NRG1: variants seen among roughly 807,000 people sequenced by gnomAD.
NRG1 encodes the protein neuregulin 1, also known as pro-neuregulin-1, membrane-bound isoform.
In NRG1, 18 loss-of-function variants were observed where a neutral mutation model predicts 63.8. The ratio of observed to expected loss-of-function variants is 0.28; its 90% CI spans 0.19 to 0.42. The LOEUF (loss-of-function observed/expected upper bound fraction) is 0.42, where lower values mean the gene tolerates loss of function less well. NRG1 is among the 10% of genes least tolerant of loss of function. NRG1 has a pLI of 1.00. For synonymous variants in NRG1, 302 were observed against 301.3 expected, an observed-to-expected ratio of 1.00 and a Z score of -0.02; for missense variants, 762 against 814.7, an observed-to-expected ratio of 0.94 and a Z score of 0.79.
chr8:32,626,864 T>C (rs1849389212), intron 5 of NRG1, among the ~76,000 whole-genome samples: 1 of 150,436 alleles, frequency 6.6e-6, no homozygotes, highest in Non-Finnish European at 1.5e-5. Flanking sequence ...CTACTAAAAA[T>C]ACAAAAATTA....
intron 1 of NRG1, among the ~76,000 whole-genome samples, chr8:31,737,803 A>G (rs1814840249): frequency 6.6e-6 from 1 of 152,108 alleles, no homozygotes; most frequent in African/African-American, 2.4e-5. Context: ...TTTGACAAGA[A>G]AGCGTTCCAC....
chr8:31,858,037 CGCCTGTAATCCCAGCACTT>C (rs1302505472), intron 1 of NRG1, among the ~76,000 whole-genome samples: 2 of 152,164 alleles, frequency 1.3e-5, no homozygotes, highest in Non-Finnish European at 2.9e-5. Context: ...TGGTGGCTCA[CGCCTGTAATCCCAGCACTT>C]TGGGAGGCCG....
At chr8:32,620,489 T>A (rs1433468196) in intron 5 of NRG1, among the ~76,000 whole-genome samples, 2 of 147,690 alleles carry the variant, frequency 1.4e-5, no homozygotes, top group African/African-American at 5.0e-5. Flanking sequence ...CAAAGTTCCC[T>A]TTTTTCCTCT....
chr8:31,738,984 A>G (rs1269980346), intron 1 of NRG1, among the ~76,000 whole-genome samples: 1 of 152,066 alleles, frequency 6.6e-6, no homozygotes, highest in African/African-American at 2.4e-5. Context: ...GGACTTTAAC[A>G]CACCTCCTTT....
At chr8:32,587,152 T>C (rs547777810) in intron 1 of NRG1, among the ~76,000 whole-genome samples, 1 of 151,874 alleles carries the variant, frequency 6.6e-6, no homozygotes, top group East Asian at 1.9e-4. Context: ...GAGGCTGCAG[T>C]AAGCTGTGAT....
intron 1 of NRG1, among the ~76,000 whole-genome samples, chr8:32,282,074 A>G (rs1298137748): frequency 2.0e-5 from 3 of 152,204 alleles, no homozygotes; most frequent in African/African-American, 7.2e-5. Flanking sequence ...TTGATGGTAC[A>G]ACTTCTAACT....
At chr8:32,434,762 C>T (rs1456860111) in intron 1 of NRG1, among the ~76,000 whole-genome samples, 2 of 151,746 alleles carry the variant, frequency 1.3e-5, no homozygotes, top group African/African-American at 4.8e-5. Flanking sequence ...GGGGATTCTA[C>T]ATTTCCAGAT....
At chr8:31,778,198 A>G (rs1819335631) in intron 1 of NRG1, among the ~76,000 whole-genome samples, 1 of 152,074 alleles carries the variant, frequency 6.6e-6, no homozygotes, top group South Asian at 2.1e-4. Context: ...GAGGCAGAGG[A>G]TCTTTTCACT....
At chr8:31,851,852 T>C (rs1193534506) in intron 1 of NRG1, among the ~76,000 whole-genome samples, 2 of 150,148 alleles carry the variant, frequency 1.3e-5, no homozygotes, top group Non-Finnish European at 3.0e-5. Context: ...AGTGAGAATA[T>C]GCAGTGTCTG....
chr8:32,132,028 T>A (rs1313468136), intron 1 of NRG1, among the ~76,000 whole-genome samples: 1 of 152,072 alleles, frequency 6.6e-6, no homozygotes, highest in Non-Finnish European at 1.5e-5. Context: ...ATTAAATTCC[T>A]CTTTTTGGCT....
chr8:32,647,978 C>T (rs1178079491), intron 5 of NRG1: 2 of 1,614,168 alleles, frequency 1.2e-6, no homozygotes, highest in African/African-American at 1.3e-5. Flanking sequence ...GCCTGGTCAG[C>T]CTCTGCCTCT....
At chr8:31,969,788 T>A (rs1043432053) in intron 1 of NRG1, among the ~76,000 whole-genome samples, 17 of 152,152 alleles carry the variant, frequency 1.1e-4, no homozygotes, top group Admixed American at 4.6e-4. Flanking sequence ...AAACCCCTCC[T>A]TTAGGATGTC....
chr8:32,091,360 TG>T (rs1004176180), intron 1 of NRG1, among the ~76,000 whole-genome samples: 30 of 152,016 alleles, frequency 2.0e-4, no homozygotes, highest in African/African-American at 6.5e-4. Flanking sequence ...CAACATTCAA[TG>T]ACATTTACAA....
intron 1 of NRG1, among the ~76,000 whole-genome samples, chr8:32,495,507 G>A (rs1339425775): frequency 5.3e-5 from 8 of 152,196 alleles, no homozygotes; most frequent in African/African-American, 1.4e-4. Flanking sequence ...TTGTTGCCCA[G>A]GCTGAAGTGC....
intron 1 of NRG1, among the ~76,000 whole-genome samples, chr8:32,094,091 A>T (rs1829567889): frequency 6.6e-6 from 1 of 152,168 alleles, no homozygotes; most frequent in Admixed American, 6.5e-5. Context: ...TTTGGTTCTG[A>T]TATATACCTG....
At chr8:32,647,448 G>A in intron 5 of NRG1, 4 of 985,362 alleles carry the variant, frequency 4.1e-6, no homozygotes, top group Non-Finnish European at 4.8e-6. Context: ...GACGAGCCCG[G>A]GATGGTTTGG....
chr8:32,548,564 C>T (rs895442401), exon 1 of NRG1: 10 of 1,272,412 alleles, frequency 7.9e-6, no homozygotes, highest in Non-Finnish European at 7.9e-6. Context: ...GCGCCGCGCT[C>T]CCTGCAGGCA....
Position 32,760,170 on chromosome 8 carries a change from A to G in NRG1, c.1053-30A>G, listed in dbSNP as rs372783085. ...TTTGCATATAATTTTTGCACGAAAT[A>G]TCTGATTGTCTCTCCCATTTCCTCC... On this transcript the variant is annotated intron_variant, in intron 10 of 11. Coordinates refer to ENST00000356819, the Ensembl canonical transcript of NRG1. 2.7e-5 allele frequency: 44 copies of G among 1,612,208 alleles called. No individual in the cohort carries two copies. The African/African-American group carries it at 5.1e-4, about 19-fold the overall frequency.
chr8:31,954,084 AAC>A (rs1205085103), intron 1 of NRG1, among the ~76,000 whole-genome samples: 1 of 152,188 alleles, frequency 6.6e-6, no homozygotes, highest in Non-Finnish European at 1.5e-5. Flanking sequence ...AAAAAAAAAT[AAC>A]ACAGCCATAA....
Sources: gnomAD v4.1 joint callset for allele counts (sites outside exome capture counted in the v4.1 genomes callset) on GRCh38, gnomAD v4.1.1 for gene constraint, MANE v1.5 for transcripts, NCBI Gene and HGNC (gene_info 2026-07-23, HGNC 2026-07-21) for gene names.